Variants in NOSTRIN observed in about 807,000 individuals in gnomAD.
NOSTRIN encodes nitric oxide synthase trafficking, also known as BM247 homolog.
NOSTRIN carries 63 observed loss-of-function variants against 59.0 expected under a neutral mutation model. The observed-to-expected ratio is 1.07, with a 90% confidence interval of 0.87 to 1.32. The LOEUF (loss-of-function observed/expected upper bound fraction) is 1.32. Among genes scored for constraint, NOSTRIN ranks in the 40% most tolerant of loss-of-function variants. NOSTRIN has a pLI of 0.00. For synonymous variants in NOSTRIN, 200 were observed against 165.4 expected (o/e 1.21, Z -1.61); for missense variants, 512 against 473.1 (o/e 1.08, Z -0.76).
upstream of NOSTRIN, among the ~76,000 whole-genome samples, chr2:168,796,601 G>A (rs1685484918): frequency 6.6e-6 from 1 of 152,106 alleles, no homozygotes; most frequent in Non-Finnish European, 1.5e-5. Context: ...GGCACTCTTC[G>A]ATTTTATTCT....
At position 168,856,794 on chromosome 2, in the gene NOSTRIN, G is replaced by A; in HGVS notation, c.1053+16G>A. 4 of 1,609,938 alleles carry A rather than the reference G, an allele frequency of 2.5e-6. No individual in the cohort carries two copies. The highest frequency in any genetic ancestry group is 3.4e-6 in the Non-Finnish European group (4 of 1,176,236). ...AATGGATGAGGTAAATGTTTGCCGA[G>A]TGCATTTCCTAGATGTAGTGATGAA... is the stretch of plus-strand genomic sequence containing the variant. On this transcript the variant is annotated intron_variant, in intron 12 of 15. Coordinates refer to ENST00000317647, the MANE Select transcript of NOSTRIN (RefSeq NM_001039724.4).
intron 3 of NOSTRIN, among the ~76,000 whole-genome samples, chr2:168,826,662 C>A (rs1469824775): frequency 6.6e-6 from 1 of 152,202 alleles, no homozygotes; most frequent in Non-Finnish European, 1.5e-5. Context: ...CCAGCTCCTC[C>A]AAGGGGCAAA....
At chr2:168,851,836 T>C (rs770741701) in intron 10 of NOSTRIN, among the ~76,000 whole-genome samples, 4 of 151,932 alleles carry the variant, frequency 2.6e-5, no homozygotes, top group Non-Finnish European at 4.4e-5. Flanking sequence ...AGGAATTCAG[T>C]TGTGTCTTAG....
intron 10 of NOSTRIN, among the ~76,000 whole-genome samples, chr2:168,852,633 G>A (rs1260964508): frequency 1.3e-5 from 2 of 152,140 alleles, no homozygotes; most frequent in Non-Finnish European, 2.9e-5. Flanking sequence ...TCCTCCATAG[G>A]ATTAGAAGTA....
intron 2 of NOSTRIN, among the ~76,000 whole-genome samples, chr2:168,823,173 C>T (rs557461762): frequency 1.4e-4 from 22 of 152,212 alleles, no homozygotes; most frequent in African/African-American, 4.3e-4. Context: ...TGAGCCACCA[C>T]ACCTGGCTAA....
chr2:168,792,526 T>G (rs185718731), intron 2 of NOSTRIN, among the ~76,000 whole-genome samples: 1 of 152,220 alleles, frequency 6.6e-6, no homozygotes. Flanking sequence ...CTTGACTCAC[T>G]GCAACCTCTG....
chr2:168,851,502 CAATGAA>C (rs1688769767), intron 10 of NOSTRIN, 98 bp downstream of exon 10: 1 of 1,483,732 alleles, frequency 6.7e-7, no homozygotes, highest in African/African-American at 1.4e-5. Context: ...CATGTTTTAT[CAATGAA>C]AATGATTTCT....
At chr2:168,858,238 C>T (rs1364303714) in intron 12 of NOSTRIN, among the ~76,000 whole-genome samples, 1 of 152,194 alleles carries the variant, frequency 6.6e-6, no homozygotes, top group African/African-American at 2.4e-5. Flanking sequence ...GGGAGAGCAT[C>T]TGACCTTGGA....
At chr2:168,810,388 C>T (rs896356373) in intron 1 of NOSTRIN, among the ~76,000 whole-genome samples, 4 of 152,144 alleles carry the variant, frequency 2.6e-5, no homozygotes, top group Admixed American at 1.3e-4. Flanking sequence ...TGGATTACCT[C>T]ATTTCTTTAG....
At chr2:168,806,682 A>G (rs143436147) in intron 1 of NOSTRIN, among the ~76,000 whole-genome samples, 536 of 152,258 alleles carry the variant, frequency 3.5e-3, no homozygotes, top group African/African-American at 0.012. Flanking sequence ...TTCCCCAATA[A>G]TTAATGGTCC....
At chr2:168,858,544 G>A (rs536323339) in intron 12 of NOSTRIN, among the ~76,000 whole-genome samples, 70 of 152,324 alleles carry the variant, frequency 4.6e-4, no homozygotes, top group African/African-American at 6.3e-4. Flanking sequence ...ATTAAATACT[G>A]TCTTTAGAGA....
chr2:168,800,073 C>G (rs1685574961), upstream of NOSTRIN, among the ~76,000 whole-genome samples: 1 of 152,212 alleles, frequency 6.6e-6, no homozygotes, highest in African/African-American at 2.4e-5. Flanking sequence ...TCTTGTGGCT[C>G]CTCTGCCATA....
intron 7 of NOSTRIN, among the ~76,000 whole-genome samples, chr2:168,834,977 T>C (rs1210736391): frequency 6.6e-6 from 1 of 152,232 alleles, no homozygotes; most frequent in Non-Finnish European, 1.5e-5. Flanking sequence ...TGTCTTTAGA[T>C]AATCATTAAG....
chr2:168,855,929 G>C (rs1217214181), intron 11 of NOSTRIN: 1 of 447,566 alleles, frequency 2.2e-6, no homozygotes, highest in South Asian at 1.6e-5. Context: ...AAGCAACAAG[G>C]ATGACAAAAA....
In NOSTRIN at chr2:168,861,992, T is replaced by A; in HGVS notation, c.1327T>A (p.Cys443Ser). The A allele has an allele frequency of 6.2e-7, 1 of 1,614,220 alleles. No individual in the cohort carries two copies. Among genetic ancestry groups the A allele is most frequent in the Middle Eastern group, 1.6e-4 (1 of 6,062 alleles). Reference protein sequence around the residue: ...PGAAQLSSRLCKALYSFQARQ... With the variant: ...PGAAQLSSRLSKALYSFQARQ... The stretch of plus-strand genomic sequence containing the variant: ...TGCAGCCCAGCTCAGCAGCAGACTT[T>A]GCAAGGCCTTGTATTCTTTTCAAGC... Residue 443 changes from cysteine (C) to serine (S), a missense_variant, in exon 15 of 16, where the codon TGC (cysteine) becomes AGC (serine). Transcript: ENST00000317647.
rs752642063 is a variant in NOSTRIN at position 168,802,677 on chromosome 2, A to G, written c.27+4A>G. 5.8e-6 allele frequency: 5 copies of G among 869,326 alleles called. No individual in the cohort carries two copies. In the Admixed American group the frequency reaches 6.8e-5, roughly 12 times the overall value. The allele number at this position is 869,326 out of a possible 1,614,324, so 53.9% of individuals were successfully genotyped here. ...GGACCCACTGACAGATTGTCCGGTG[A>G]GTAGCTCAGTGTGGTTTGTGTGCCT... On this transcript the variant is annotated splice_donor_region_variant and intron_variant, in intron 1 of 15. Coordinates refer to ENST00000317647, the MANE Select transcript of NOSTRIN (RefSeq NM_001039724.4).
At chr2:168,802,492 G>A (rs1685646377), upstream of NOSTRIN, 1 of 649,560 alleles carries the variant, frequency 1.5e-6, no homozygotes, top group Non-Finnish European at 2.8e-6. Context: ...CGGGATGAAA[G>A]TCCAGGGCTG....
chr2:168,859,561 C>A lies in NOSTRIN; in HGVS notation c.1103C>A (p.Ser368Ter). 6.2e-7 allele frequency: 1 copy of A among 1,614,142 alleles called. No individual in the cohort carries two copies. Residue 368 changes from serine (S) to a stop codon, truncating the protein, a stop_gained, in exon 13 of 16, where the codon TCA becomes TAA. Transcript: ENST00000317647. LOFTEE classifies it high-confidence loss of function. The part of the protein sequence containing the change: ...LLEANSYKLS[S>*]MLAELEQRPQ... ...GAAGCGAACTCCTACAAACTGTCAT[C>A]AATGTTAGCAGAACTTGAGCAAAGA...
upstream of NOSTRIN, among the ~76,000 whole-genome samples, chr2:168,793,156 G>A (rs1685400050): frequency 1.3e-5 from 2 of 152,092 alleles, no homozygotes; most frequent in African/African-American, 4.8e-5. Flanking sequence ...AGTCTTGCTG[G>A]TTCCATTTTA....
Sources: allele counts gnomAD v4.1 joint callset (sites outside exome capture counted in the v4.1 genomes callset), GRCh38; gene constraint gnomAD v4.1.1; transcripts MANE v1.5; gene names NCBI Gene and HGNC (gene_info 2026-07-23, HGNC 2026-07-21).